HS3ST4: variants seen among roughly 807,000 people sequenced by gnomAD.
The protein encoded by HS3ST4 is heparan sulfate-glucosamine 3-sulfotransferase 4.
Under a neutral mutation model 29.2 loss-of-function variants are expected in HS3ST4, and 17 were observed. That is an observed-to-expected ratio of 0.58 (90% CI 0.40 to 0.87). The LOEUF (loss-of-function observed/expected upper bound fraction) is 0.87, where lower values mean the gene tolerates loss of function less well. Ranked by LOEUF, HS3ST4 falls within the 40% of genes least tolerant of loss-of-function variation. HS3ST4 has a pLI of 0.00. For missense variants in HS3ST4, 627 were observed against 634.5 expected, an observed-to-expected ratio of 0.99 and a Z score of 0.13; for synonymous variants, 314 against 285.7, an observed-to-expected ratio of 1.10 and a Z score of -1.00.
At chr16:25,903,324 T>TACATATGTATATGTATATATTATAC (rs67993882) in intron 1 of HS3ST4, among the ~76,000 whole-genome samples, 4 of 74,298 alleles carry the variant, frequency 5.4e-5, no homozygotes, top group East Asian at 8.5e-4. Context: ...ATATATTATA[T>TACATATGTATATGTATATATTATAC]ATATGTATAT....
chr16:25,994,704 A>T (rs764663948), intron 1 of HS3ST4, among the ~76,000 whole-genome samples: 1 of 152,170 alleles, frequency 6.6e-6, no homozygotes, highest in South Asian at 2.1e-4. Context: ...TAATAATACT[A>T]TATTATGCCC....
intron 1 of HS3ST4, among the ~76,000 whole-genome samples, chr16:25,928,035 C>CAAAAAAAA (rs767016845): frequency 3.9e-5 from 2 of 50,920 alleles, no homozygotes; most frequent in African/African-American, 6.9e-5. Context: ...CCCATCTCGA[C>CAAAAAAAA]AAAAAAAAAA....
intron 1 of HS3ST4, among the ~76,000 whole-genome samples, chr16:25,979,149 G>A (rs986548568): frequency 2.0e-5 from 3 of 151,954 alleles, no homozygotes; most frequent in East Asian, 1.9e-4. Context: ...CGCCTGCCTC[G>A]GCCTCCCAAG....
At chr16:25,901,629 G>A (rs776991688) in intron 1 of HS3ST4, among the ~76,000 whole-genome samples, 6 of 152,274 alleles carry the variant, frequency 3.9e-5, no homozygotes, top group African/African-American at 7.2e-5. Context: ...AGCCGAGATC[G>A]TGCCACTGCA....
chr16:25,979,539 C>G (rs1045732788), intron 1 of HS3ST4, among the ~76,000 whole-genome samples: 1 of 152,142 alleles, frequency 6.6e-6, no homozygotes, highest in African/African-American at 2.4e-5. Context: ...GAATCAGATG[C>G]CCCATGATCT....
intron 1 of HS3ST4, among the ~76,000 whole-genome samples, chr16:25,700,201 A>G (rs540665376): frequency 2.4e-4 from 36 of 152,318 alleles, no homozygotes; most frequent in Middle Eastern, 6.8e-3. Flanking sequence ...GAGGAAAAAA[A>G]GTATGATTTC....
At chr16:26,116,344 C>T (rs561575823) in intron 1 of HS3ST4, among the ~76,000 whole-genome samples, 13 of 152,296 alleles carry the variant, frequency 8.5e-5, no homozygotes, top group African/African-American at 3.1e-4. Context: ...GGTGCAATTA[C>T]GTTGTATTAC....
At chr16:25,771,011 T>C (rs1031667807) in intron 1 of HS3ST4, among the ~76,000 whole-genome samples, 10 of 151,870 alleles carry the variant, frequency 6.6e-5, no homozygotes, top group Non-Finnish European at 1.0e-4. Context: ...CTGAGATACA[T>C]GTGCAGAACA....
chr16:26,080,114 T>C (rs1406871554), intron 1 of HS3ST4, among the ~76,000 whole-genome samples: 1 of 152,090 alleles, frequency 6.6e-6, no homozygotes, highest in East Asian at 1.9e-4. Context: ...TCAGAAATGC[T>C]CTTCACCTCT....
At chr16:25,824,435 G>A (rs1596582371) in intron 1 of HS3ST4, among the ~76,000 whole-genome samples, 1 of 152,314 alleles carries the variant, frequency 6.6e-6, no homozygotes, top group South Asian at 2.1e-4. Context: ...GGCTTTGGAG[G>A]CCTCACAGTC....
At chr16:25,872,118 A>G (rs566622444) in intron 1 of HS3ST4, among the ~76,000 whole-genome samples, 1 of 152,320 alleles carries the variant, frequency 6.6e-6, no homozygotes, top group East Asian at 1.9e-4. Flanking sequence ...ATGTCTGCTG[A>G]ATAAATTATT....
At chr16:26,133,142 T>C (rs991543927) in intron 1 of HS3ST4, among the ~76,000 whole-genome samples, 16 of 152,126 alleles carry the variant, frequency 1.1e-4, no homozygotes, top group Admixed American at 1.0e-3. Flanking sequence ...ATTTTTTTTT[T>C]CCTTGCCCTT....
At chr16:25,948,472 C>T (rs894760703) in intron 1 of HS3ST4, among the ~76,000 whole-genome samples, 2 of 152,006 alleles carry the variant, frequency 1.3e-5, no homozygotes, top group African/African-American at 2.4e-5. Context: ...GCACTCGACC[C>T]CTCTTCATGT....
chr16:26,105,891 T>G (rs1421618371), intron 1 of HS3ST4, among the ~76,000 whole-genome samples: 1 of 152,246 alleles, frequency 6.6e-6, no homozygotes, highest in Non-Finnish European at 1.5e-5. Flanking sequence ...GGACTGTCAC[T>G]CACTTAGATT....
intron 1 of HS3ST4, among the ~76,000 whole-genome samples, chr16:26,045,247 G>GA (rs1188656492): frequency 6.6e-6 from 1 of 151,634 alleles, no homozygotes; most frequent in Non-Finnish European, 1.5e-5. Flanking sequence ...AAAAGTATCA[G>GA]AAAAAAAATG....
chr16:25,747,267 A>G (rs966602663), intron 1 of HS3ST4, among the ~76,000 whole-genome samples: 2 of 152,244 alleles, frequency 1.3e-5, no homozygotes, highest in Admixed American at 6.5e-5. Flanking sequence ...ATAGATTTCT[A>G]GCCATTACAG....
chr16:25,872,298 C>T (rs1008288519), intron 1 of HS3ST4, among the ~76,000 whole-genome samples: 2 of 152,158 alleles, frequency 1.3e-5, no homozygotes, highest in Admixed American at 1.3e-4. Flanking sequence ...TTCACTTAGT[C>T]TGCTGGAGTG....
At chr16:25,859,472 G>A (rs979271946) in intron 1 of HS3ST4, among the ~76,000 whole-genome samples, 4 of 152,260 alleles carry the variant, frequency 2.6e-5, no homozygotes, top group Admixed American at 6.5e-5. Context: ...TACAACATAT[G>A]TGCTTTCCTG....
intron 1 of HS3ST4, among the ~76,000 whole-genome samples, chr16:26,054,535 C>A (rs987786011): frequency 6.6e-5 from 10 of 152,244 alleles, no homozygotes; most frequent in Non-Finnish European, 1.3e-4. Context: ...GCCAGCAGAC[C>A]AAGTTGGAAG....
Sources: gnomAD v4.1 joint callset for allele counts (sites outside exome capture counted in the v4.1 genomes callset) on GRCh38, gnomAD v4.1.1 for gene constraint, MANE v1.5 for transcripts, NCBI Gene and HGNC (gene_info 2026-07-23, HGNC 2026-07-21) for gene names.